The following TECPR2 variants were observed in gnomAD, a reference collection of about 807,000 sequenced individuals.
TECPR2 encodes tectonin beta-propeller repeat containing 2, also known as tectonin beta-propeller repeat-containing protein 2.
Under a neutral mutation model 138.1 loss-of-function variants are expected in TECPR2, and 65 were observed. That is an observed-to-expected ratio of 0.47 (90% CI 0.39 to 0.58). The LOEUF (loss-of-function observed/expected upper bound fraction) is 0.58. Ranked by LOEUF, TECPR2 falls within the 20% of genes least tolerant of loss-of-function variation. TECPR2 has a pLI of 0.00. For synonymous variants in TECPR2, 746 were observed against 749.8 expected (o/e 0.99, Z 0.08); for missense variants, 1,553 against 1,824.5 (o/e 0.85, Z 2.71).
At chr14:102,458,478 C>G (rs572055103) in intron 16 of TECPR2, among the ~76,000 whole-genome samples, 1 of 152,194 alleles carries the variant, frequency 6.6e-6, no homozygotes, top group Non-Finnish European at 1.5e-5. Flanking sequence ...TTTGGTGTGG[C>G]ACCCAGGGTC....
intron 1 of TECPR2, among the ~76,000 whole-genome samples, chr14:102,374,203 T>C (rs1042743459): frequency 6.6e-6 from 1 of 152,142 alleles, no homozygotes; most frequent in Non-Finnish European, 1.5e-5. Flanking sequence ...GATACTTTGC[T>C]GCTCTTCCAT....
chr14:102,476,639 G>GCTCT (rs1890771447), intron 17 of TECPR2, among the ~76,000 whole-genome samples: 1 of 152,074 alleles, frequency 6.6e-6, no homozygotes, highest in Non-Finnish European at 1.5e-5. Context: ...AGTCTTAAGA[G>GCTCT]GGAAGAAGGG....
At chr14:102,409,540 C>T (rs1286814008) in intron 4 of TECPR2, among the ~76,000 whole-genome samples, 1 of 152,194 alleles carries the variant, frequency 6.6e-6, no homozygotes, top group Non-Finnish European at 1.5e-5. Flanking sequence ...CTTAGATGAT[C>T]TGCCTGCCTC....
At chr14:102,486,751 G>A (rs1039820827) in intron 17 of TECPR2, among the ~76,000 whole-genome samples, 15 of 152,198 alleles carry the variant, frequency 9.9e-5, no homozygotes, top group African/African-American at 3.6e-4. Flanking sequence ...CTCCAGCTAA[G>A]GACACAGACC....
intron 18 of TECPR2, among the ~76,000 whole-genome samples, 174 bp downstream of exon 18, chr14:102,497,294 G>A (rs1891310387): frequency 6.6e-6 from 1 of 152,224 alleles, no homozygotes; most frequent in Admixed American, 6.5e-5. Context: ...TCCTTATCAG[G>A]GGAACCCAGG....
chr14:102,431,747 C>A, intron 7 of TECPR2, 49 bp from the exon 8 acceptor site: 1 of 1,500,160 alleles, frequency 6.7e-7, no homozygotes, highest in Non-Finnish European at 8.9e-7. Context: ...AAGTGCACAT[C>A]AGCTCTCTCT....
intron 1 of TECPR2, 135 bp downstream of exon 1, chr14:102,363,251 C>A: frequency 5.1e-6 from 1 of 197,986 alleles, no homozygotes; most frequent in Non-Finnish European, 1.0e-5. Flanking sequence ...CCGTCCGCCC[C>A]GTCTCCCTCG....
chr14:102,373,454 GC>G (rs1887559392), intron 1 of TECPR2, among the ~76,000 whole-genome samples: 1 of 152,258 alleles, frequency 6.6e-6, no homozygotes, highest in East Asian at 1.9e-4. Context: ...AGATGATTTT[GC>G]CCAGCTGTAG....
intron 7 of TECPR2, among the ~76,000 whole-genome samples, chr14:102,430,758 G>A (rs949546936): frequency 3.3e-5 from 5 of 152,196 alleles, no homozygotes; most frequent in African/African-American, 9.7e-5. Context: ...TTCTCACTCT[G>A]CGGTCTACTG....
At chr14:102,492,108 T>C (rs530240636) in intron 17 of TECPR2, among the ~76,000 whole-genome samples, 2 of 152,228 alleles carry the variant, frequency 1.3e-5, no homozygotes, top group Non-Finnish European at 2.9e-5. Flanking sequence ...TGACTTGCTC[T>C]TCCTCTTTTA....
chr14:102,429,735 C>T (rs1269391992), intron 7 of TECPR2, among the ~76,000 whole-genome samples: 1 of 152,080 alleles, frequency 6.6e-6, no homozygotes, highest in African/African-American at 2.4e-5. Context: ...GAGCTGGGGG[C>T]CCCTCAGACA....
chr14:102,451,831 T>TGA (rs1191175770), intron 15 of TECPR2, among the ~76,000 whole-genome samples: 1 of 152,066 alleles, frequency 6.6e-6, no homozygotes, highest in African/African-American at 2.4e-5. Context: ...CTGTAGGGAA[T>TGA]GAAAGGACAT....
rs1891355947 is a variant in TECPR2 at position 102,498,540 on chromosome 14, T to C, written c.*283T>C. The C allele has an allele frequency of 2.0e-6, 1 of 509,714 alleles. No individual in the cohort carries two copies. Among genetic ancestry groups the C allele is most frequent in the South Asian group, 2.1e-5 (1 of 47,604 alleles). 31.6% of individuals were successfully genotyped at this position (509,714 alleles called of 1,614,324 possible). ...TCCGATTACCCACGTGCTGCCGTCC[T>C]GGTCTCATCCACAGATAGCTCCAGC... On this transcript the variant is annotated 3_prime_UTR_variant, in exon 20 of 20. Transcript: ENST00000359520.
At chr14:102,400,048 CTT>C (rs992365072) in intron 2 of TECPR2, among the ~76,000 whole-genome samples, 10 of 83,310 alleles carry the variant, frequency 1.2e-4, no homozygotes, top group Non-Finnish European at 1.2e-4. Context: ...CTTTTCTTTT[CTT>C]TTTTTTTTTT....
chr14:102,492,496 C>T (rs1185804024), intron 17 of TECPR2, among the ~76,000 whole-genome samples: 2 of 152,240 alleles, frequency 1.3e-5, no homozygotes, highest in East Asian at 3.8e-4. Flanking sequence ...TATTTTCCTC[C>T]AGTAATACAA....
chr14:102,421,787 G>C (rs1194181332), intron 5 of TECPR2, among the ~76,000 whole-genome samples: 1 of 152,150 alleles, frequency 6.6e-6, no homozygotes, highest in African/African-American at 2.4e-5. Flanking sequence ...TACTCTGCCT[G>C]GTTTACAGAA....
In TECPR2 at chr14:102,434,867, C is replaced by G. The variant is rs45467297; in HGVS notation, c.2050C>G (p.Leu684Val). The change falls in exon 9 of 20, where the codon CTA becomes GTA. Residue 684 changes from leucine (L) to valine (V), a missense_variant. Transcript: ENST00000359520. Reference protein sequence around the residue: ...PVEPSQEQDILTSMEASGHLS... With the variant: ...PVEPSQEQDIVTSMEASGHLS... ...GGAGCCCAGCCAAGAGCAGGACATC[C>G]TAACCAGCATGGAGGCCTCTGGCCA... is the stretch of plus-strand genomic sequence containing the variant. 71,470 of 1,613,664 alleles carry G rather than the reference C, an allele frequency of 0.044. 1,907 individuals are homozygous for G. The highest frequency in any genetic ancestry group is 0.081 in the Admixed American group (4,872 of 60,022).
intron 10 of TECPR2, 59 bp downstream of exon 10, chr14:102,438,264 G>C: frequency 1.3e-6 from 2 of 1,545,374 alleles, no homozygotes; most frequent in Non-Finnish European, 1.7e-6. Flanking sequence ...CCTGCTCCCC[G>C]CCCCCGGGGT....
intron 2 of TECPR2, among the ~76,000 whole-genome samples, chr14:102,380,278 G>A (rs1412112229): frequency 6.6e-6 from 1 of 152,202 alleles, no homozygotes; most frequent in African/African-American, 2.4e-5. Flanking sequence ...CTTAAAAATA[G>A]CCAGAGAACA....
Sources: gnomAD v4.1 joint callset for allele counts (sites outside exome capture counted in the v4.1 genomes callset) on GRCh38, gnomAD v4.1.1 for gene constraint, MANE v1.5 for transcripts, NCBI Gene and HGNC (gene_info 2026-07-23, HGNC 2026-07-21) for gene names.